GYG1: variants seen among roughly 807,000 people sequenced by gnomAD.
The protein encoded by GYG1 is glycogenin-1.
GYG1 carries 44 observed loss-of-function variants against 41.9 expected under a neutral mutation model. The observed-to-expected ratio is 1.05, with a 90% CI of 0.83 to 1.35. The LOEUF (loss-of-function observed/expected upper bound fraction) is 1.35, where lower values mean the gene tolerates loss of function less well. GYG1 is among the 40% of genes most tolerant of loss of function. GYG1 has a pLI of 0.00. For missense variants in GYG1, 429 were observed against 418.9 expected (o/e 1.02, Z -0.21); for synonymous variants, 141 against 158.1 (o/e 0.89, Z 0.81).
intron 4 of GYG1, among the ~76,000 whole-genome samples, chr3:148,999,401 C>T (rs571119497): frequency 1.3e-5 from 2 of 152,274 alleles, no homozygotes; most frequent in Admixed American, 1.3e-4. Flanking sequence ...TTATGGTTCT[C>T]AATATGTTGT....
At chr3:148,996,162 T>G in intron 2 of GYG1, 140 bp from the exon 3 acceptor site, 3 of 714,264 alleles carry the variant, frequency 4.2e-6, no homozygotes, top group East Asian at 2.6e-5. Flanking sequence ...TTAGAACAGA[T>G]TTAAGGGTAC....
chr3:149,013,028 TG>T (rs1713821571), intron 5 of GYG1, among the ~76,000 whole-genome samples: 1 of 151,614 alleles, frequency 6.6e-6, no homozygotes, highest in Non-Finnish European at 1.5e-5. Context: ...TGTGTGTGTG[TG>T]TGTTTTATAG....
rs959431046 is a variant in GYG1, at chr3:149,029,168, A to G, written c.*2235A>G. Among the ~76,000 whole-genome samples, 1 of 152,238 alleles carries G rather than the reference A, an allele frequency of 6.6e-6. No individual in the cohort carries two copies. Among genetic ancestry groups the G allele is most frequent in the South Asian group, 2.1e-4 (1 of 4,828 alleles). ...AAACATTCTTTTCCTTCTATGATCT[A>G]TGTCTTAAGGTGAAGTATTAACTAA... On this transcript the variant is annotated 3_prime_UTR_variant, in exon 8 of 8. Transcript: ENST00000345003.
chr3:148,991,875 C>T (rs1053625456), intron 1 of GYG1, among the ~76,000 whole-genome samples: 3 of 152,230 alleles, frequency 2.0e-5, no homozygotes, highest in Non-Finnish European at 4.4e-5. Context: ...GGCCCTCGGC[C>T]GGAGCTCTCG....
rs1403111710 is a variant in GYG1 at position 149,027,235 on chromosome 3, GTTC to G, written c.*305_*307del. 9.9e-6 allele frequency: 4 copies of G among 403,280 alleles called. No individual in the cohort carries two copies. The highest frequency in any genetic ancestry group is 2.0e-5 in the African/African-American group (1 of 49,602). 25.0% of individuals were successfully genotyped at this position (403,280 alleles called of 1,614,324 possible). A position where few individuals can be genotyped will look rare whatever the true frequency, so the allele number is the denominator to read the frequency against. ...TCAAGATATTAAGATGGCTGTATCA[GTTC>G]TTAAAATCTGCAGAGCCTGGTTCAA... On this transcript the variant is annotated 3_prime_UTR_variant, in exon 8 of 8. Transcript: ENST00000345003.
At chr3:149,015,468 A>C (rs149239094) in intron 5 of GYG1, among the ~76,000 whole-genome samples, 28 of 152,356 alleles carry the variant, frequency 1.8e-4, no homozygotes, top group African/African-American at 6.5e-4. Context: ...ACAGCAAGGC[A>C]AGTGGGAACT....
At chr3:148,998,709 G>C (rs776625876) in intron 4 of GYG1, among the ~76,000 whole-genome samples, 1 of 152,194 alleles carries the variant, frequency 6.6e-6, no homozygotes, top group Non-Finnish European at 1.5e-5. Context: ...TCCTTTCATA[G>C]AAGGAATGAA....
rs548714521 is a variant in GYG1 at position 149,021,992 on chromosome 3, C to T, written c.609-2061C>T. Among the ~76,000 whole-genome samples the T allele has an allele frequency of 3.9e-5, 6 of 152,316 alleles. No individual in the cohort carries two copies. In the East Asian group the frequency reaches 1.2e-3, roughly 29 times the overall value. ...ACCTGGTCTAGCACACAGGTGCTCA[C>T]CTGATACCTGCCATTGCCTGTCTGG... On this transcript the variant is annotated intron_variant, in intron 5 of 7. Coordinates refer to ENST00000345003, the MANE Select transcript of GYG1 (RefSeq NM_004130.4).
chr3:149,026,170 CAG>C (rs1397778937), intron 6 of GYG1, among the ~76,000 whole-genome samples: 1 of 152,210 alleles, frequency 6.6e-6, no homozygotes, highest in African/African-American at 2.4e-5. Flanking sequence ...AGCAAATTAA[CAG>C]AAGCTACAAG....
At chr3:149,012,997 T>TTGTGTTTG (rs1553731850) in intron 5 of GYG1, among the ~76,000 whole-genome samples, 1 of 141,368 alleles carries the variant, frequency 7.1e-6, no homozygotes, top group Non-Finnish European at 1.5e-5. Context: ...CTCAGTTAAT[T>TTGTGTTTG]TGTGTGTGTG....
At chr3:149,009,019 C>T (rs372465098) in intron 4 of GYG1, 16 of 392,890 alleles carry the variant, frequency 4.1e-5, no homozygotes, top group East Asian at 2.2e-4. Flanking sequence ...AATTGCCTGA[C>T]GTGGTGGCAT....
chr3:149,012,321 T>C (rs376094265), intron 5 of GYG1, among the ~76,000 whole-genome samples: 11 of 152,288 alleles, frequency 7.2e-5, no homozygotes, highest in African/African-American at 2.6e-4. Flanking sequence ...TATAGTATGC[T>C]GGCCTTCCCT....
rs1435727162 is a variant in GYG1 at position 149,026,463 on chromosome 3, G to C, written c.840G>C (p.Leu280Phe). 6.2e-7 allele frequency: 1 copy of C among 1,601,998 alleles called. No individual in the cohort carries two copies. Among genetic ancestry groups the C allele is most frequent in the African/African-American group, 1.3e-5 (1 of 74,616 alleles). ...TGAACTGTTTGCAGCTTTCAGACTT[G>C]GTCTATACACTGGCTTTCTCTTGTG... is the stretch of plus-strand genomic sequence containing the variant. ...TCSYVNVLSD[L>F]VYTLAFSCGF... is the part of the protein sequence containing the mutation. Residue 280 changes from leucine to phenylalanine, a missense_variant, in exon 7 of 8, where the codon TTG (leucine) becomes TTC (phenylalanine). Transcript: ENST00000345003.
chr3:149,021,571 A>T (rs1378587036), intron 5 of GYG1, among the ~76,000 whole-genome samples: 1 of 152,148 alleles, frequency 6.6e-6, no homozygotes. Flanking sequence ...TTAGAGGTAA[A>T]ACCATGTCAA....
chr3:149,006,967 C>A (rs768585398), intron 4 of GYG1, among the ~76,000 whole-genome samples: 1 of 152,208 alleles, frequency 6.6e-6, no homozygotes, highest in Non-Finnish European at 1.5e-5. Flanking sequence ...TTAGCCTATT[C>A]AGGCTGCTAT....
At chr3:149,016,807 G>A (rs1275561860) in intron 5 of GYG1, among the ~76,000 whole-genome samples, 1 of 152,214 alleles carries the variant, frequency 6.6e-6, no homozygotes, top group African/African-American at 2.4e-5. Flanking sequence ...CGTGAGAGAG[G>A]AGAGGTGTGC....
intron 4 of GYG1, among the ~76,000 whole-genome samples, chr3:148,999,905 A>G (rs1712998875): frequency 6.6e-6 from 1 of 152,086 alleles, no homozygotes; most frequent in African/African-American, 2.4e-5. Flanking sequence ...GACCAGTTTT[A>G]CAGATGACTG....
intron 1 of GYG1, 127 bp downstream of exon 1, chr3:148,991,774 G>A: frequency 1.3e-6 from 1 of 782,610 alleles, no homozygotes; most frequent in Non-Finnish European, 2.0e-6. Context: ...CAAAGTTGCT[G>A]GCTGGCCGCA....
At chr3:148,991,768 G>T in intron 1 of GYG1, 121 bp downstream of exon 1, 4 of 818,526 alleles carry the variant, frequency 4.9e-6, no homozygotes, top group Middle Eastern at 3.6e-4. Flanking sequence ...CCGCCGCAAA[G>T]TTGCTGGCTG....
Sources: allele counts gnomAD v4.1 joint callset (sites outside exome capture counted in the v4.1 genomes callset), GRCh38; gene constraint gnomAD v4.1.1; transcripts MANE v1.5; gene names NCBI Gene and HGNC (gene_info 2026-07-23, HGNC 2026-07-21).